Variants in PPP4R3B observed in about 807,000 individuals in gnomAD.
The protein encoded by PPP4R3B is serine/threonine-protein phosphatase 4 regulatory subunit 3B.
In PPP4R3B, 52 loss-of-function variants were observed where a neutral mutation model predicts 95.4. The observed-to-expected ratio is 0.54, with a 90% CI of 0.44 to 0.69. The LOEUF is 0.69. Among genes scored for constraint, PPP4R3B ranks in the 30% least tolerant of loss-of-function variants. PPP4R3B has a pLI of 0.00. For missense variants in PPP4R3B, 1,003 were observed against 1,005.9 expected, an observed-to-expected ratio of 1.00 and a Z score of 0.04; for synonymous variants, 407 against 343.9, an observed-to-expected ratio of 1.18 and a Z score of -2.03.
chr2:55,617,062 G>A, intron 1 of PPP4R3B, 82 bp downstream of exon 1: 1 of 1,471,836 alleles, frequency 6.8e-7, no homozygotes, highest in Non-Finnish European at 9.1e-7. Context: ...GAGTAGCAAC[G>A]GTAACGGGCC....
chr2:55,565,243 G>A (rs2103945865), intron 13 of PPP4R3B, among the ~76,000 whole-genome samples: 1 of 151,476 alleles, frequency 6.6e-6, no homozygotes, highest in South Asian at 2.1e-4. Flanking sequence ...ATTTACTGGA[G>A]TCCTTTTATA....
At chr2:55,597,234 C>G (rs888375510) in intron 4 of PPP4R3B, among the ~76,000 whole-genome samples, 1 of 152,102 alleles carries the variant, frequency 6.6e-6, no homozygotes, top group African/African-American at 2.4e-5. Flanking sequence ...TGCCTGTAAT[C>G]CAAGCACTTT....
chr2:55,607,034 G>A (rs1572725251), intron 2 of PPP4R3B, among the ~76,000 whole-genome samples: 1 of 151,988 alleles, frequency 6.6e-6, no homozygotes, highest in East Asian at 1.9e-4. Context: ...TATCCATTTT[G>A]TTTGAGTTAG....
At position 55,557,000 on chromosome 2, in the gene PPP4R3B, A is replaced by G. The variant is rs571164006; in HGVS notation, c.2454+1775T>C. On this transcript the variant is annotated intron_variant, in intron 16 of 16. Transcript: ENST00000616407. ...ATCAGTTGAGCCCAGGAGGTGGCGG[A>G]GGCAGTGAGCTGTGATCACACCACT... is the stretch of plus-strand genomic sequence containing the variant. 2.6e-5 allele frequency among the ~76,000 whole-genome samples: 4 copies of G among 152,272 alleles called. No individual in the cohort carries two copies. In the South Asian group the frequency reaches 6.2e-4, roughly 24 times the overall value.
chr2:55,583,107 G>T (rs529042816), intron 7 of PPP4R3B, among the ~76,000 whole-genome samples: 61 of 152,188 alleles, frequency 4.0e-4, no homozygotes, highest in African/African-American at 1.4e-3. Context: ...ATGTTTGAAT[G>T]CTGAGCATTT....
intron 16 of PPP4R3B, among the ~76,000 whole-genome samples, chr2:55,556,950 C>A (rs1338647658): frequency 6.6e-6 from 1 of 152,134 alleles, no homozygotes; most frequent in Non-Finnish European, 1.5e-5. Context: ...GCACTCCCAG[C>A]TACTCGGGAG....
intron 13 of PPP4R3B, 27 bp downstream of exon 13, chr2:55,568,162 CATATA>C (rs1408103223): frequency 3.7e-6 from 5 of 1,357,242 alleles, no homozygotes; most frequent in Non-Finnish European, 4.8e-6. Context: ...CATATAATTA[CATATA>C]ATAACAGCTG....
At chr2:55,581,881 G>A (rs1451249857) in intron 7 of PPP4R3B, among the ~76,000 whole-genome samples, 183 bp from the exon 8 acceptor site, 2 of 149,906 alleles carry the variant, frequency 1.3e-5, no homozygotes, top group African/African-American at 4.9e-5. Context: ...ACACACTAGA[G>A]TGAAAAAAAA....
chr2:55,563,892 A>T (rs1224356405), intron 15 of PPP4R3B, among the ~76,000 whole-genome samples: 1 of 152,160 alleles, frequency 6.6e-6, no homozygotes, highest in African/African-American at 2.4e-5. Context: ...AACTTTTGTA[A>T]TTTTAAAATT....
chr2:55,590,511 A>T (rs1483886582), intron 4 of PPP4R3B, among the ~76,000 whole-genome samples: 3 of 152,062 alleles, frequency 2.0e-5, no homozygotes, highest in Non-Finnish European at 2.9e-5. Context: ...TATATTTTCT[A>T]ATTTTCTACA....
intron 4 of PPP4R3B, among the ~76,000 whole-genome samples, chr2:55,589,429 A>C (rs1242753827): frequency 6.6e-6 from 1 of 152,254 alleles, no homozygotes; most frequent in Non-Finnish European, 1.5e-5. Flanking sequence ...GCTATTTAAA[A>C]TACAATAACT....
At chr2:55,574,581 A>C (rs1688401831) in intron 11 of PPP4R3B, among the ~76,000 whole-genome samples, 1 of 152,034 alleles carries the variant, frequency 6.6e-6, no homozygotes. Context: ...CAAGTAAAAA[A>C]TATTACATCA....
chr2:55,570,208 C>T (rs1303780286), intron 12 of PPP4R3B, among the ~76,000 whole-genome samples: 1 of 152,176 alleles, frequency 6.6e-6, no homozygotes, highest in Non-Finnish European at 1.5e-5. Context: ...TGAGATCGTG[C>T]CACTACACCC....
rs561812321 is a variant in PPP4R3B at position 55,549,621 on chromosome 2, G to A, written c.*290C>T. On this transcript the variant is annotated 3_prime_UTR_variant, in exon 17 of 17. Coordinates refer to ENST00000616407, the MANE Select transcript of PPP4R3B (RefSeq NM_001122964.3). ...TCAACCTTTTCCCCTCCCCTAAACC[G>A]TCCCCAAACCTGTGACTTTTCCTTG... is the stretch of plus-strand genomic sequence containing the variant. 166 of 353,434 alleles carry A rather than the reference G, an allele frequency of 4.7e-4. No homozygotes were observed. The highest frequency in any genetic ancestry group is 6.3e-4 in the Non-Finnish European group (123 of 195,274). The allele number at this position is 353,434 out of a possible 1,614,324, so 21.9% of individuals were successfully genotyped here. A position where few individuals can be genotyped will look rare whatever the true frequency, so the allele number is the denominator to read the frequency against.
intron 16 of PPP4R3B, among the ~76,000 whole-genome samples, chr2:55,554,926 G>GTGA (rs1685651547): frequency 6.6e-6 from 1 of 152,116 alleles, no homozygotes; most frequent in Non-Finnish European, 1.5e-5. Context: ...TGGATATGAT[G>GTGA]TGAGATAGGG....
chr2:55,607,725 C>A (rs1693615805), intron 2 of PPP4R3B, among the ~76,000 whole-genome samples: 1 of 152,122 alleles, frequency 6.6e-6, no homozygotes, highest in South Asian at 2.1e-4. Context: ...ACCCTCAGCC[C>A]CTCTCCCCTT....
chr2:55,578,285 G>T lies in PPP4R3B; in HGVS notation c.1526C>A (p.Ser509Tyr). The part of the protein sequence containing the change: ...SWSFICTPSH[S>Y]HSHSTPSSSI... ...GGAAGAGGGGGTAGAATGGGAATGG[G>T]AATGTGAAGGGGTACATATGAAACT... The change falls in exon 10 of 17, where the codon TCC (serine) becomes TAC (tyrosine). Residue 509 changes from serine to tyrosine, a missense_variant. Physicochemically the swap from Ser to Tyr is moderately radical, Grantham distance 144 (BLOSUM62 -2). Transcript: ENST00000616407. 2 of 1,481,212 alleles carry T rather than the reference G, an allele frequency of 1.4e-6. No homozygotes were observed. The highest frequency in any genetic ancestry group is 2.4e-5 in the Admixed American group (1 of 42,496). 91.8% of individuals were successfully genotyped at this position (1,481,212 alleles called of 1,614,324 possible).
At chr2:55,596,782 G>A (rs1014675005) in intron 4 of PPP4R3B, among the ~76,000 whole-genome samples, 2 of 152,188 alleles carry the variant, frequency 1.3e-5, no homozygotes, top group South Asian at 2.1e-4. Flanking sequence ...GGCCAACATG[G>A]TGAAACCCTG....
At chr2:55,593,959 T>C (rs1171021888) in intron 4 of PPP4R3B, among the ~76,000 whole-genome samples, 1 of 152,142 alleles carries the variant, frequency 6.6e-6, no homozygotes. Flanking sequence ...GGTGTATATA[T>C]ACACTGTGGA....
Sources: gnomAD v4.1 joint callset for allele counts (sites outside exome capture counted in the v4.1 genomes callset) on GRCh38, gnomAD v4.1.1 for gene constraint, MANE v1.5 for transcripts, NCBI Gene and HGNC (gene_info 2026-07-23, HGNC 2026-07-21) for gene names.